SORCS1: variants seen among roughly 807,000 people sequenced by gnomAD.
SORCS1 encodes sortilin related VPS10 domain containing receptor 1.
A neutral mutation model predicts 146.1 loss-of-function variants in SORCS1; 60 were observed. The observed-to-expected ratio is 0.41, with a 90% CI of 0.33 to 0.51. SORCS1 has a LOEUF of 0.51. SORCS1 is among the 20% of genes least tolerant of loss of function. The pLI, the probability that SORCS1 is intolerant of heterozygous loss-of-function variation, is 0.21. For missense variants in SORCS1, 1,352 were observed against 1,487.6 expected (o/e 0.91, Z 1.50); for synonymous variants, 637 against 584.0 (o/e 1.09, Z -1.31).
At chr10:106,963,935 G>A (rs1955378582) in intron 1 of SORCS1, among the ~76,000 whole-genome samples, 1 of 152,212 alleles carries the variant, frequency 6.6e-6, no homozygotes, top group Admixed American at 6.5e-5. Flanking sequence ...AAAAAGATGT[G>A]AAGCAGGAGG....
chr10:107,030,086 C>T (rs1201071811), intron 1 of SORCS1, among the ~76,000 whole-genome samples: 1 of 152,028 alleles, frequency 6.6e-6, no homozygotes, highest in East Asian at 1.9e-4. Context: ...CGTTTTTCTA[C>T]TTGAAAAAAA....
chr10:106,906,702 G>GC (rs1951923105), intron 2 of SORCS1, among the ~76,000 whole-genome samples: 1 of 152,116 alleles, frequency 6.6e-6, no homozygotes, highest in East Asian at 1.9e-4. Context: ...TCTGGGTGGG[G>GC]ACACAGCCAA....
chr10:106,836,534 T>G (rs1469915341), intron 2 of SORCS1, among the ~76,000 whole-genome samples: 1 of 151,396 alleles, frequency 6.6e-6, no homozygotes, highest in East Asian at 1.9e-4. Context: ...CCAGCATCCT[T>G]AACTCCATAC....
rs761322129 is a variant in SORCS1, at chr10:106,607,281, C to T, written c.3050G>A (p.Gly1017Asp). 8 of 1,613,986 alleles carry T rather than the reference C, an allele frequency of 5.0e-6. No homozygotes were observed. Among genetic ancestry groups the T allele is most frequent in the Non-Finnish European group, 6.8e-6 (8 of 1,179,956 alleles). Residue 1017 changes from glycine (G) to aspartate (D), a missense_variant, in exon 23 of 26, where the codon GGC becomes GAC. Gly to Asp is a moderately conservative substitution (Grantham distance 94). Transcript: ENST00000263054. ...KSLVEATGVPGQHILVAVLPG... is the reference protein window; with the variant it reads ...KSLVEATGVPDQHILVAVLPG... ...GAGCACCGCCACCAGGATGTGCTGG[C>T]CTGGAACCCCTGTGGCCTGAGGGAC...
At chr10:106,660,334 T>C (rs1589596974) in intron 17 of SORCS1, among the ~76,000 whole-genome samples, 1 of 152,226 alleles carries the variant, frequency 6.6e-6, no homozygotes, top group African/African-American at 2.4e-5. Flanking sequence ...ATATATACAT[T>C]GTGTAATGAT....
intron 19 of SORCS1, among the ~76,000 whole-genome samples, chr10:106,627,777 A>G (rs1848197063): frequency 6.6e-6 from 1 of 152,214 alleles, no homozygotes; most frequent in Non-Finnish European, 1.5e-5. Flanking sequence ...AGTAGATAGT[A>G]AAAGCTAATG....
Position 106,730,084 on chromosome 10 carries a change from G to T in SORCS1, c.990C>A (p.Asp330Glu), listed in dbSNP as rs780274659. 1 of 1,613,964 alleles carries T rather than the reference G, an allele frequency of 6.2e-7. No homozygotes were observed. The highest frequency in any genetic ancestry group is 1.3e-5 in the African/African-American group (1 of 74,900). Residue 330 changes from aspartate (D) to glutamate (E), a missense_variant, in exon 6 of 26, where the codon GAC becomes GAA. Asp to Glu is a conservative substitution (Grantham distance 45). Coordinates refer to ENST00000263054, the MANE Select transcript of SORCS1 (RefSeq NM_052918.5). ...WSVMGSNKEP[D>E]LVHLEARTVD... The stretch of plus-strand genomic sequence containing the variant: ...CAGTTCTGGCCTCAAGATGCACAAG[G>T]TCTGGTTCTTTATTTGACCCCATCA...
intron 5 of SORCS1, among the ~76,000 whole-genome samples, chr10:106,747,906 C>T (rs777956570): frequency 1.4e-4 from 22 of 152,108 alleles, no homozygotes; most frequent in South Asian, 4.1e-4. Flanking sequence ...TGTACTATTA[C>T]GTGTCAATTG....
chr10:106,805,297 T>A (rs911611694), intron 3 of SORCS1, among the ~76,000 whole-genome samples: 1 of 151,978 alleles, frequency 6.6e-6, no homozygotes, highest in African/African-American at 2.4e-5. Context: ...CCAGGGAGAT[T>A]TGAAAGGATT....
At chr10:106,660,235 A>G (rs1261942866) in intron 17 of SORCS1, among the ~76,000 whole-genome samples, 1 of 152,200 alleles carries the variant, frequency 6.6e-6, no homozygotes, top group African/African-American at 2.4e-5. Flanking sequence ...TAAGTGTTTT[A>G]TGGCTTATGT....
chr10:106,749,233 C>T (rs1407845295), intron 5 of SORCS1, among the ~76,000 whole-genome samples: 2 of 152,174 alleles, frequency 1.3e-5, no homozygotes, highest in African/African-American at 2.4e-5. Flanking sequence ...TTCCAAGACT[C>T]ATTTTAGTTA....
intron 21 of SORCS1, among the ~76,000 whole-genome samples, chr10:106,613,849 G>C (rs1276714278): frequency 6.6e-6 from 1 of 151,788 alleles, no homozygotes; most frequent in Non-Finnish European, 1.5e-5. Flanking sequence ...GTACTTCCCT[G>C]TGCTCCTCAA....
At chr10:106,732,107 A>C (rs1272404099) in intron 5 of SORCS1, among the ~76,000 whole-genome samples, 1 of 152,222 alleles carries the variant, frequency 6.6e-6, no homozygotes, top group Admixed American at 6.5e-5. Flanking sequence ...AAGTCTCCTT[A>C]AAGCCCTGTT....
intron 1 of SORCS1, among the ~76,000 whole-genome samples, chr10:107,124,109 A>C (rs1471482037): frequency 1.3e-5 from 2 of 152,030 alleles, no homozygotes; most frequent in African/African-American, 4.8e-5. Flanking sequence ...AAAGAAAAGA[A>C]AATGGAGACA....
At chr10:107,004,324 A>G (rs1423710871) in intron 1 of SORCS1, among the ~76,000 whole-genome samples, 2 of 152,048 alleles carry the variant, frequency 1.3e-5, no homozygotes, top group African/African-American at 4.8e-5. Context: ...CTGTTATCAC[A>G]CTGCTAATGA....
chr10:106,820,323 C>T (rs1947955317), intron 3 of SORCS1, among the ~76,000 whole-genome samples: 1 of 152,184 alleles, frequency 6.6e-6, no homozygotes, highest in African/African-American at 2.4e-5. Context: ...CTGTTACCTA[C>T]AAGCTATAGT....
intron 1 of SORCS1, among the ~76,000 whole-genome samples, chr10:107,064,322 A>G (rs1961533754): frequency 6.6e-6 from 1 of 152,192 alleles, no homozygotes; most frequent in Non-Finnish European, 1.5e-5. Flanking sequence ...ACCCACAATC[A>G]ATTAATGCAT....
At chr10:106,806,384 A>AAAATAAAATAAAAAT (rs1314784925) in intron 3 of SORCS1, among the ~76,000 whole-genome samples, 205 of 139,714 alleles carry the variant, frequency 1.5e-3, no homozygotes, top group African/African-American at 5.0e-3. Context: ...AAAATAAAAT[A>AAAATAAAATAAAAAT]AAAATAAAAT....
intron 1 of SORCS1, among the ~76,000 whole-genome samples, chr10:107,009,939 A>T (rs956117589): frequency 6.6e-6 from 1 of 152,200 alleles, no homozygotes; most frequent in African/African-American, 2.4e-5. Flanking sequence ...TCTGGTACCG[A>T]TTCAGTATGG....
Sources: allele counts gnomAD v4.1 joint callset (sites outside exome capture counted in the v4.1 genomes callset), GRCh38; gene constraint gnomAD v4.1.1; transcripts MANE v1.5; gene names NCBI Gene and HGNC (gene_info 2026-07-23, HGNC 2026-07-21).